The following MYO16 variants were observed in gnomAD, a reference collection of about 807,000 sequenced individuals.
MYO16 encodes the protein unconventional myosin-XVI.
A neutral mutation model predicts 205.3 loss-of-function variants in MYO16; 94 were observed. The ratio of observed to expected loss-of-function variants is 0.46; its 90% CI spans 0.39 to 0.54. The LOEUF is 0.54. MYO16 is among the 20% of genes least tolerant of loss of function. MYO16 has a pLI of 0.00. For synonymous variants in MYO16, 988 were observed against 954.0 expected, an observed-to-expected ratio of 1.04 and a Z score of -0.66; for missense variants, 2,315 against 2,387.5, an observed-to-expected ratio of 0.97 and a Z score of 0.63.
At chr13:109,042,718 G>A (rs1442952516) in intron 23 of MYO16, among the ~76,000 whole-genome samples, 8 of 152,158 alleles carry the variant, frequency 5.3e-5, no homozygotes, top group Admixed American at 4.6e-4. Context: ...GGCTTTTAAA[G>A]TTGGAGGGCC....
intron 2 of MYO16, among the ~76,000 whole-genome samples, chr13:108,682,276 A>G (rs549348310): frequency 5.9e-5 from 9 of 152,136 alleles, no homozygotes; most frequent in Non-Finnish European, 1.0e-4. Context: ...TCTAATAGGG[A>G]CCTTGCCGTT....
chr13:109,121,638 T>G lies in MYO16; in HGVS notation c.3535+1172T>G, dbSNP rs574735337. Among the ~76,000 whole-genome samples, 6 of 152,340 alleles carry G rather than the reference T, an allele frequency of 3.9e-5. No homozygotes were observed. In the East Asian group the frequency reaches 1.2e-3, roughly 29 times the overall value. ...TCTTAGATGGCTTCCTAGGTGCAGC[T>G]TTTCTCTAACAGAGCCTGTGTTTCC... On this transcript the variant is annotated intron_variant, in intron 29 of 34. Transcript: ENST00000457511.
chr13:109,186,460 C>G (rs1025738610), intron 34 of MYO16, among the ~76,000 whole-genome samples: 1 of 152,094 alleles, frequency 6.6e-6, no homozygotes, highest in Non-Finnish European at 1.5e-5. Context: ...TCAGTGATCT[C>G]CATGAAAGGT....
At chr13:108,683,895 T>C (rs1231978392) in intron 2 of MYO16, among the ~76,000 whole-genome samples, 1 of 152,122 alleles carries the variant, frequency 6.6e-6, no homozygotes, top group Non-Finnish European at 1.5e-5. Context: ...TTTTCGTTTT[T>C]AGAAACAGTC....
intron 28 of MYO16, among the ~76,000 whole-genome samples, chr13:109,111,803 C>T (rs1011218277): frequency 4.6e-5 from 7 of 152,036 alleles, no homozygotes; most frequent in Admixed American, 3.9e-4. Context: ...TCTCCTGCCT[C>T]AGCCTCCCAA....
At chr13:108,754,430 A>G (rs1160280801) in intron 4 of MYO16, among the ~76,000 whole-genome samples, 1 of 152,240 alleles carries the variant, frequency 6.6e-6, no homozygotes, top group East Asian at 1.9e-4. Flanking sequence ...GATTATTGAC[A>G]TACATAGCTC....
chr13:108,555,446 T>C, the MYO16 span, among the ~76,000 whole-genome samples: 1 of 152,322 alleles, frequency 6.6e-6, no homozygotes, highest in East Asian at 1.9e-4. Context: ...TTAACAGGTA[T>C]TTATAGAAAA....
Position 108,838,678 on chromosome 13 carries a change from A to ATATAT in MYO16, c.1098-5665_1098-5664insTATAT, listed in dbSNP as rs1555304221. On this transcript the variant is annotated intron_variant, in intron 9 of 34. Coordinates refer to ENST00000457511, the MANE Select transcript of MYO16 (RefSeq NM_001198950.3). ...GTGAGACTGTCTCAAAAAAAAAAAA[A>ATATAT]ATATATATATATACACACACACACA... is the stretch of plus-strand genomic sequence containing the variant. 3.8e-4 allele frequency among the ~76,000 whole-genome samples: 48 copies of ATATAT among 124,780 alleles called. No individual in the cohort carries two copies. In the East Asian group the frequency reaches 4.4e-3, roughly 12 times the overall value. 81.9% of individuals were successfully genotyped at this position (124,780 alleles called of 152,430 possible). A position where few individuals can be genotyped will look rare whatever the true frequency, so the allele number is the denominator to read the frequency against.
intron 32 of MYO16, among the ~76,000 whole-genome samples, chr13:109,163,139 A>T (rs927088303): frequency 2.1e-5 from 3 of 142,142 alleles, no homozygotes; most frequent in Non-Finnish European, 3.1e-5. Flanking sequence ...TTTCCTGCTC[A>T]TAAATCTTGA....
chr13:109,179,331 G>C (rs925370115), intron 33 of MYO16, among the ~76,000 whole-genome samples: 1 of 151,830 alleles, frequency 6.6e-6, no homozygotes, highest in Non-Finnish European at 1.5e-5. Context: ...ATCTCCTTTG[G>C]CAGGATATGC....
intron 32 of MYO16, among the ~76,000 whole-genome samples, chr13:109,150,393 A>G (rs1238833238): frequency 6.6e-6 from 1 of 152,170 alleles, no homozygotes; most frequent in Non-Finnish European, 1.5e-5. Context: ...TGTTCCCGCT[A>G]GGTCATGCCA....
chr13:108,793,742 T>C (rs1198130994), intron 6 of MYO16, 102 bp downstream of exon 6: 15 of 1,265,998 alleles, frequency 1.2e-5, no homozygotes, highest in East Asian at 2.6e-5. Flanking sequence ...ATTGTTGTGA[T>C]CATAAAGTAA....
intron 2 of MYO16, among the ~76,000 whole-genome samples, chr13:108,674,471 C>T (rs1245701974): frequency 6.6e-6 from 1 of 152,126 alleles, no homozygotes; most frequent in Non-Finnish European, 1.5e-5. Flanking sequence ...GCACTGTTTC[C>T]ACAGGGGTGG....
intron 27 of MYO16, among the ~76,000 whole-genome samples, chr13:109,099,553 A>G (rs980541770): frequency 8.5e-5 from 13 of 152,176 alleles, no homozygotes; most frequent in Non-Finnish European, 1.8e-4. Context: ...CACCTGTCAA[A>G]GGCCCCACCT....
At position 108,778,605 on chromosome 13, in the gene MYO16, C is replaced by A. The variant is rs374978868; in HGVS notation, c.508-7030C>A. Among the ~76,000 whole-genome samples the A allele has an allele frequency of 2.7e-5, 4 of 147,938 alleles. No individual in the cohort carries two copies. The East Asian group carries it at 8.4e-4, about 31-fold the overall frequency. On this transcript the variant is annotated intron_variant, in intron 4 of 34. Transcript: ENST00000457511. The stretch of plus-strand genomic sequence containing the variant: ...CTGCACTCCAGCCTGAGTGACAGGG[C>A]GAGACTCCATCTAAAAAAATATATA...
chr13:108,813,449 C>T (rs578087788), intron 7 of MYO16, among the ~76,000 whole-genome samples: 5 of 152,170 alleles, frequency 3.3e-5, no homozygotes, highest in African/African-American at 1.2e-4. Flanking sequence ...TTAAATCAAT[C>T]ATTTTTAGCT....
chr13:108,733,156 G>T (rs1427708837), intron 4 of MYO16, among the ~76,000 whole-genome samples: 2 of 152,046 alleles, frequency 1.3e-5, no homozygotes, highest in African/African-American at 4.8e-5. Context: ...GTGTAGAGGG[G>T]GCATCGTCTA....
At chr13:108,519,049 G>A in the MYO16 span, among the ~76,000 whole-genome samples, 5 of 152,038 alleles carry the variant, frequency 3.3e-5, no homozygotes, top group Non-Finnish European at 1.5e-5. Context: ...AATAGATGCT[G>A]CTTTAAAAGT....
intron 32 of MYO16, among the ~76,000 whole-genome samples, chr13:109,156,277 C>T (rs1878023684): frequency 6.6e-6 from 1 of 152,140 alleles, no homozygotes; most frequent in Non-Finnish European, 1.5e-5. Flanking sequence ...ATTTTACAAA[C>T]GAGAACTTGA....
Sources: allele counts gnomAD v4.1 joint callset (sites outside exome capture counted in the v4.1 genomes callset), GRCh38; gene constraint gnomAD v4.1.1; transcripts MANE v1.5; gene names NCBI Gene and HGNC (gene_info 2026-07-23, HGNC 2026-07-21).